Variants in MINK1 observed in about 807,000 individuals in gnomAD.
MINK1 encodes misshapen like kinase 1.
MINK1 carries 46 observed loss-of-function variants against 178.4 expected under a neutral mutation model. That is an observed-to-expected ratio of 0.26 (90% CI 0.20 to 0.33). MINK1 has a LOEUF of 0.33. MINK1 is among the 10% of genes least tolerant of loss of function. The pLI is 1.00. For synonymous variants in MINK1, 797 were observed against 709.7 expected (o/e 1.12, Z -1.96); for missense variants, 1,366 against 1,814.9 (o/e 0.75, Z 4.49).
intron 4 of MINK1, 41 bp downstream of exon 4, chr17:4,881,298 C>A (rs1286685802): frequency 1.3e-6 from 2 of 1,531,266 alleles, no homozygotes; most frequent in South Asian, 2.4e-5. Context: ...CCCCGCAATC[C>A]CTGTCTCCGG....
At chr17:4,868,541 TTAACA>T (rs1459986174) in intron 1 of MINK1, among the ~76,000 whole-genome samples, 5 of 152,192 alleles carry the variant, frequency 3.3e-5, no homozygotes, top group Admixed American at 1.3e-4. Context: ...TGTATTTCAC[TTAACA>T]TAATATCCTC....
intron 1 of MINK1, chr17:4,860,815 C>T (rs772510493): frequency 5.8e-6 from 3 of 519,492 alleles, no homozygotes; most frequent in African/African-American, 3.9e-5. Flanking sequence ...AACTGTACAG[C>T]ACCAGTGCGC....
intron 1 of MINK1, among the ~76,000 whole-genome samples, chr17:4,868,135 C>G (rs1013970053): frequency 3.3e-5 from 5 of 152,010 alleles, no homozygotes; most frequent in African/African-American, 1.2e-4. Flanking sequence ...CACCACCACG[C>G]CCAGCTAATT....
rs1969657669 is a variant in MINK1, at chr17:4,897,360, C to A, written c.*73C>A. 2 of 1,387,538 alleles carry A rather than the reference C, an allele frequency of 1.4e-6. No individual in the cohort carries two copies. The highest frequency in any genetic ancestry group is 1.8e-5 in the Admixed American group (1 of 54,928). 86.0% of individuals were successfully genotyped at this position (1,387,538 alleles called of 1,614,324 possible). On this transcript the variant is annotated 3_prime_UTR_variant, in exon 32 of 32. Transcript: ENST00000355280. ...TGCAGCCAGGCTTCCCGGGCCGCCC[C>A]TCTTTCCCCTCCCTGGGCTTTTGCT...
chr17:4,849,467 ACT>A (rs1275297992), intron 1 of MINK1, among the ~76,000 whole-genome samples: 1 of 151,956 alleles, frequency 6.6e-6, no homozygotes, highest in Admixed American at 6.6e-5. Flanking sequence ...TGGGCTCCTT[ACT>A]CTGCCTTGCC....
chr17:4,894,986 G>A lies in MINK1; in HGVS notation c.2918-89G>A. 7.3e-7 allele frequency: 1 copy of A among 1,376,770 alleles called. No individual in the cohort carries two copies. The highest frequency in any genetic ancestry group is 1.3e-5 in the South Asian group (1 of 78,334). 85.3% of individuals were successfully genotyped at this position (1,376,770 alleles called of 1,614,324 possible). A position where few individuals can be genotyped will look rare whatever the true frequency, so the allele number is the denominator to read the frequency against. On this transcript the variant is annotated intron_variant, in intron 24 of 31. Transcript: ENST00000355280. The surrounding 1 kb of genome is among the most constrained non-coding windows in gnomAD (Gnocchi z 4.1). Reference sequence around the variant, plus strand: ...TCTCCTCCTTTCTGCGTATTATGAGGTGCCAAGACCTGATATAGGGGATGG... The same window carrying A: ...TCTCCTCCTTTCTGCGTATTATGAGATGCCAAGACCTGATATAGGGGATGG...
At chr17:4,880,042 C>T (rs776240861) in intron 2 of MINK1, among the ~76,000 whole-genome samples, 2 of 152,264 alleles carry the variant, frequency 1.3e-5, no homozygotes, top group South Asian at 2.1e-4. Context: ...GTATCTTTCA[C>T]GCCCTGCTCT....
chr17:4,848,422 G>A (rs567907398), intron 1 of MINK1, among the ~76,000 whole-genome samples: 3 of 152,322 alleles, frequency 2.0e-5, no homozygotes, highest in Admixed American at 6.5e-5. Flanking sequence ...GTGCAGTGGC[G>A]TGATCTCGGC....
chr17:4,891,196 GCGCGCACACACA>G (rs1321937822), intron 15 of MINK1, 72 bp downstream of exon 15: 6 of 849,996 alleles, frequency 7.1e-6, no homozygotes, highest in Non-Finnish European at 9.9e-6. Flanking sequence ...ACACACACAC[GCGCGCACACACA>G]CACACACACA....
intron 1 of MINK1, among the ~76,000 whole-genome samples, chr17:4,872,828 G>C (rs377744798): frequency 3.5e-4 from 54 of 152,236 alleles, no homozygotes; most frequent in African/African-American, 1.2e-3. Context: ...TCCCCTCCAT[G>C]ATGATGAACG....
Position 4,892,530 on chromosome 17 carries a change from C to CA in MINK1, c.2198+20dup. ...GCCTCTAGGTAATAGAGTTGTCCCC[C>CA]AACTCACTCTCACCTCTCACTTCTG... On this transcript the variant is annotated intron_variant, in intron 18 of 31. Coordinates refer to ENST00000355280, the MANE Select transcript of MINK1 (RefSeq NM_153827.5). 4 of 1,540,822 alleles carry CA rather than the reference C, an allele frequency of 2.6e-6. No homozygotes were observed. The highest frequency in any genetic ancestry group is 3.5e-6 in the Non-Finnish European group (4 of 1,133,346).
Position 4,885,764 on chromosome 17 carries a change from G to T in MINK1, c.640-147G>T, listed in dbSNP as rs1968144481. 2 of 1,389,174 alleles carry T rather than the reference G, an allele frequency of 1.4e-6. No homozygotes were observed. Among genetic ancestry groups the T allele is most frequent in the Non-Finnish European group, 2.0e-6 (2 of 1,012,036 alleles). 86.1% of individuals were successfully genotyped at this position (1,389,174 alleles called of 1,614,324 possible). On this transcript the variant is annotated intron_variant, in intron 7 of 31. Transcript: ENST00000355280. The surrounding 1 kb of genome is among the most constrained non-coding windows in gnomAD (Gnocchi z 5.0). ...ACATCTTACGGCAAGGCAAGTGTGG[G>T]TGGGAAGATGGGATGGGTTGGAAGG...
At chr17:4,893,797 C>A in intron 21 of MINK1, 191 bp from the exon 22 acceptor site, 1 of 928,896 alleles carries the variant, frequency 1.1e-6, no homozygotes, top group Non-Finnish European at 1.6e-6. Context: ...GCCTGTCTGC[C>A]CCTGTGCCAG....
Position 4,895,793 on chromosome 17 carries a change from A to G in MINK1, c.3325A>G (p.Thr1109Ala), listed in dbSNP as rs761791659. Residue 1109 changes from threonine to alanine, a missense_variant, in exon 27 of 32, where the codon ACC becomes GCC. Coordinates refer to ENST00000355280, the MANE Select transcript of MINK1 (RefSeq NM_153827.5). The surrounding 1 kb of genome is among the most constrained non-coding windows in gnomAD (Gnocchi z 4.3). ...PEVEKKQGWT[T>A]VGDMEGCGHY... ...AGTGGAGAAGAAGCAGGGCTGGACC[A>G]CCGTGGGGGACATGGAGGGCTGCGG... 6.2e-7 allele frequency: 1 copy of G among 1,613,772 alleles called. No homozygotes were observed. Among genetic ancestry groups the G allele is most frequent in the Non-Finnish European group, 8.5e-7 (1 of 1,179,812 alleles).
At chr17:4,851,166 C>G in intron 1 of MINK1, 2 of 379,314 alleles carry the variant, frequency 5.3e-6, no homozygotes, top group South Asian at 3.7e-5. Flanking sequence ...ACAGTTTTGC[C>G]TTGCTTTGTG....
chr17:4,846,254 T>C (rs1423017973), intron 1 of MINK1, among the ~76,000 whole-genome samples: 2 of 152,218 alleles, frequency 1.3e-5, no homozygotes, highest in Non-Finnish European at 2.9e-5. Flanking sequence ...CTCACAATAG[T>C]GTCAGATTGG....
rs1485657208 is a variant in MINK1, at chr17:4,833,354, C to T, written c.-230C>T. The T allele has an allele frequency of 2.2e-6, 1 of 462,306 alleles. No individual in the cohort carries two copies. Among genetic ancestry groups the T allele is most frequent in the African/African-American group, 2.1e-5 (1 of 48,090 alleles). The allele number at this position is 462,306 out of a possible 1,614,324, so 28.6% of individuals were successfully genotyped here. A position where few individuals can be genotyped will look rare whatever the true frequency, so the allele number is the denominator to read the frequency against. ...TCCACCCTCCCAGTGCGCGGTCGCTCCGCGCCTGCGCAGGAGAGGTGGTAG... is the reference window on the plus strand; with the variant it reads ...TCCACCCTCCCAGTGCGCGGTCGCTTCGCGCCTGCGCAGGAGAGGTGGTAG... On this transcript the variant is annotated 5_prime_UTR_variant, in exon 1 of 32. Transcript: ENST00000355280. This position sits in a 1 kb window ranked among gnomAD's most constrained non-coding sequence, Gnocchi z 4.8.
chr17:4,895,338 C>T lies in MINK1; in HGVS notation c.3086-12C>T, dbSNP rs1313465656. On this transcript the variant is annotated splice_polypyrimidine_tract_variant and intron_variant, in intron 25 of 31. Transcript: ENST00000355280. The surrounding 1 kb of genome is among the most constrained non-coding windows in gnomAD (Gnocchi z 4.3). The stretch of plus-strand genomic sequence containing the variant: ...GCTGAGCCTCTGACCTGCCCAAGGG[C>T]TCCTGTTGCAGGGGTCAACCTGCTG... The T allele has an allele frequency of 6.2e-7, 1 of 1,602,762 alleles. No individual in the cohort carries two copies. Among genetic ancestry groups the T allele is most frequent in the African/African-American group, 1.3e-5 (1 of 74,780 alleles).
In MINK1 at chr17:4,890,749, C is replaced by T. The variant is rs1307383326; in HGVS notation, c.1566+14C>T. ...TGGGCCCGAGAGGTACTCACTGCCT[C>T]CTTTGCCTCCTGAGACTGCAGTCCC... On this transcript the variant is annotated intron_variant, in intron 14 of 31. Transcript: ENST00000355280. 5 of 1,541,290 alleles carry T rather than the reference C, an allele frequency of 3.2e-6. No individual in the cohort carries two copies. The highest frequency in any genetic ancestry group is 2.0e-5 in the Admixed American group (1 of 50,844).
Sources: allele counts gnomAD v4.1 joint callset (sites outside exome capture counted in the v4.1 genomes callset), GRCh38; gene constraint gnomAD v4.1.1; non-coding constraint Gnocchi (gnomAD v3.1); transcripts MANE v1.5; gene names NCBI Gene and HGNC (gene_info 2026-07-23, HGNC 2026-07-21).